Variants in SLC4A10 observed in about 807,000 individuals in gnomAD.
The protein encoded by SLC4A10 is sodium-driven chloride bicarbonate exchanger.
SLC4A10 carries 42 observed loss-of-function variants against 137.7 expected under a neutral mutation model. The ratio of observed to expected loss-of-function variants is 0.30; its 90% confidence interval spans 0.24 to 0.39. The LOEUF is 0.39. Ranked by LOEUF, SLC4A10 falls within the 10% of genes least tolerant of loss-of-function variation. The probability of loss-of-function intolerance (pLI) is 1.00; values close to 1 mark genes in which losing one functional copy is unlikely to be tolerated. For synonymous variants in SLC4A10, 474 were observed against 464.1 expected (o/e 1.02, Z -0.27); for missense variants, 925 against 1,355.0 (o/e 0.68, Z 4.98).
chr2:161,824,031 T>G (rs186690889), intron 3 of SLC4A10, among the ~76,000 whole-genome samples: 2 of 152,230 alleles, frequency 1.3e-5, no homozygotes, highest in Non-Finnish European at 2.9e-5. Flanking sequence ...ACTTTGGTTC[T>G]ATCGATGCTT....
intron 1 of SLC4A10, among the ~76,000 whole-genome samples, chr2:161,732,459 A>C (rs1009130719): frequency 6.6e-6 from 1 of 152,226 alleles, no homozygotes; most frequent in African/African-American, 2.4e-5. Flanking sequence ...CTAGTCTTCA[A>C]ACACAGATCC....
At chr2:161,707,460 A>G (rs2043801663) in intron 1 of SLC4A10, among the ~76,000 whole-genome samples, 1 of 150,654 alleles carries the variant, frequency 6.6e-6, no homozygotes, top group Admixed American at 6.7e-5. Flanking sequence ...CTATAATCTT[A>G]GTCTTTTTTT....
At chr2:161,746,134 T>G (rs1391377956) in intron 1 of SLC4A10, among the ~76,000 whole-genome samples, 1 of 151,994 alleles carries the variant, frequency 6.6e-6, no homozygotes, top group African/African-American at 2.4e-5. Flanking sequence ...AGTAAGTAGG[T>G]GATGAATCTT....
At chr2:161,856,157 T>A (rs904413219) in intron 5 of SLC4A10, among the ~76,000 whole-genome samples, 24 of 152,192 alleles carry the variant, frequency 1.6e-4, no homozygotes, top group Admixed American at 5.9e-4. Context: ...GTGTTTTTTC[T>A]ATTACACTAC....
At chr2:161,678,516 G>C (rs1403337027) in intron 1 of SLC4A10, among the ~76,000 whole-genome samples, 1 of 152,078 alleles carries the variant, frequency 6.6e-6, no homozygotes, top group Non-Finnish European at 1.5e-5. Flanking sequence ...TTAATCTTAT[G>C]CGTGCATGTG....
chr2:161,876,852 A>G (rs1444919499), intron 8 of SLC4A10, among the ~76,000 whole-genome samples: 1 of 152,050 alleles, frequency 6.6e-6, no homozygotes, highest in African/African-American at 2.4e-5. Context: ...TTACTTCCCA[A>G]AGTATATGAT....
intron 4 of SLC4A10, among the ~76,000 whole-genome samples, chr2:161,844,338 A>T (rs2059366318): frequency 6.6e-6 from 1 of 152,174 alleles, no homozygotes; most frequent in South Asian, 2.1e-4. Context: ...GTGGATTAAG[A>T]ACAGGTGTGA....
intron 1 of SLC4A10, among the ~76,000 whole-genome samples, chr2:161,666,591 A>T (rs542291402): frequency 1.3e-5 from 2 of 151,860 alleles, no homozygotes; most frequent in African/African-American, 4.8e-5. Context: ...TTCTACCTCT[A>T]GATACATCTG....
chr2:161,944,729 T>C (rs1438962076), intron 16 of SLC4A10, among the ~76,000 whole-genome samples: 3 of 151,732 alleles, frequency 2.0e-5, no homozygotes, highest in Non-Finnish European at 3.0e-5. Context: ...AAACAGTCTT[T>C]ATCACCAGAG....
intron 6 of SLC4A10, among the ~76,000 whole-genome samples, chr2:161,868,650 CA>C (rs1166249965): frequency 6.6e-6 from 1 of 151,390 alleles, no homozygotes; most frequent in African/African-American, 2.4e-5. Flanking sequence ...AGATATCAAA[CA>C]AATATTAGAA....
chr2:161,663,525 A>C (rs1259211901), intron 1 of SLC4A10, among the ~76,000 whole-genome samples: 2 of 152,150 alleles, frequency 1.3e-5, no homozygotes, highest in Admixed American at 1.3e-4. Flanking sequence ...TAATATTATC[A>C]AACACTCCCT....
intron 15 of SLC4A10, among the ~76,000 whole-genome samples, chr2:161,928,122 C>A (rs1181872976): frequency 1.1e-4 from 16 of 150,246 alleles, no homozygotes; most frequent in Non-Finnish European, 3.0e-5. Flanking sequence ...GGAACCAACC[C>A]AAATGTCCAA....
At chr2:161,856,399 C>A (rs1185621854) in intron 5 of SLC4A10, among the ~76,000 whole-genome samples, 1 of 99,242 alleles carries the variant, frequency 1.0e-5, no homozygotes, top group African/African-American at 3.6e-5. Flanking sequence ...ACACACACAC[C>A]ACACTGCCCC....
chr2:161,793,288 T>A (rs115609106), intron 2 of SLC4A10, among the ~76,000 whole-genome samples: 2,606 of 152,276 alleles, frequency 0.017, 76 homozygotes, highest in African/African-American at 0.059. Context: ...ATAGTTATTA[T>A]TTTTGTAGTG....
chr2:161,660,301 A>G (rs182310303), intron 1 of SLC4A10, among the ~76,000 whole-genome samples: 53 of 152,330 alleles, frequency 3.5e-4, no homozygotes, highest in African/African-American at 1.2e-3. Context: ...GCTGAAACCA[A>G]ATTATTTACT....
rs374599909 is a variant in SLC4A10 at position 161,675,110 on chromosome 2, C to T, written c.48+50544C>T. Among the ~76,000 whole-genome samples the T allele has an allele frequency of 3.9e-5, 6 of 152,218 alleles. No homozygotes were observed. In the East Asian group the frequency reaches 7.7e-4, roughly 20 times the overall value. On this transcript the variant is annotated intron_variant, in intron 1 of 26. Coordinates refer to ENST00000446997, the MANE Select transcript of SLC4A10 (RefSeq NM_001178015.2). ...TAGAATTGTGAAGTTGCAATCAGGC[C>T]AGTTCAATGTAGCTGTAGTTAATTT... is the stretch of plus-strand genomic sequence containing the variant.
intron 1 of SLC4A10, among the ~76,000 whole-genome samples, chr2:161,719,219 C>T (rs893106060): frequency 1.3e-5 from 2 of 152,086 alleles, no homozygotes; most frequent in Non-Finnish European, 2.9e-5. Flanking sequence ...CATGTCCCTA[C>T]AAAGGACATG....
intron 2 of SLC4A10, among the ~76,000 whole-genome samples, chr2:161,779,793 A>G (rs2052801877): frequency 1.3e-5 from 2 of 152,020 alleles, no homozygotes; most frequent in Admixed American, 6.6e-5. Flanking sequence ...GCTAAGAATA[A>G]TTTTTACATT....
At chr2:161,766,544 A>G (rs2050816530) in intron 1 of SLC4A10, among the ~76,000 whole-genome samples, 1 of 152,162 alleles carries the variant, frequency 6.6e-6, no homozygotes, top group South Asian at 2.1e-4. Flanking sequence ...GAACATGGAT[A>G]CATGACTTAG....
Sources: allele counts gnomAD v4.1 joint callset (sites outside exome capture counted in the v4.1 genomes callset), GRCh38; gene constraint gnomAD v4.1.1; transcripts MANE v1.5; gene names NCBI Gene and HGNC (gene_info 2026-07-23, HGNC 2026-07-21).